Variants in SUMF1 observed in about 807,000 individuals in gnomAD.
The protein encoded by SUMF1 is formylglycine-generating enzyme.
In SUMF1, 48 loss-of-function variants were observed where a neutral mutation model predicts 47.6. The observed-to-expected ratio is 1.01, with a 90% CI of 0.80 to 1.28. The LOEUF (loss-of-function observed/expected upper bound fraction) is 1.28. SUMF1 is among the 50% of genes most tolerant of loss of function. SUMF1 has a pLI of 0.00. For missense variants in SUMF1, 571 were observed against 485.4 expected (o/e 1.18, Z -1.66); for synonymous variants, 230 against 192.1 (o/e 1.20, Z -1.63).
intron 3 of SUMF1, among the ~76,000 whole-genome samples, chr3:4,440,484 A>T (rs1288402003): frequency 6.6e-6 from 1 of 152,174 alleles, no homozygotes; most frequent in Non-Finnish European, 1.5e-5. Flanking sequence ...AGGTAACTGG[A>T]TCGCATCCTT....
intron 6 of SUMF1, among the ~76,000 whole-genome samples, chr3:4,413,578 A>G (rs1290962489): frequency 6.6e-6 from 1 of 152,110 alleles, no homozygotes; most frequent in East Asian, 1.9e-4. Context: ...CAGGAACCTC[A>G]AAAGCAAACA....
At chr3:4,044,850 C>A (rs1694977555) in intron 9 of SUMF1, among the ~76,000 whole-genome samples, 1 of 152,150 alleles carries the variant, frequency 6.6e-6, no homozygotes, top group African/African-American at 2.4e-5. Context: ...TTAGATCATT[C>A]TTCTTAAGTC....
In SUMF1 at chr3:4,161,588, G is replaced by A. The variant is rs374944144; in HGVS notation, c.1015-92843C>T. 7.9e-5 allele frequency among the ~76,000 whole-genome samples: 12 copies of A among 151,956 alleles called. 2 individuals are homozygous for A. The highest frequency in any genetic ancestry group is 6.6e-5 in the Admixed American group (1 of 15,258). On this transcript the variant is annotated intron_variant and NMD_transcript_variant, in intron 8 of 12. Coordinates refer to the SUMF1 transcript ENST00000448413. The stretch of plus-strand genomic sequence containing the variant: ...CTCTCCATAGCTGTCACCATTATAG[G>A]CCCACAGAGAGTACTGCCAGACTAC...
intron 1 of SUMF1, among the ~76,000 whole-genome samples, chr3:4,454,081 T>C (rs1424020810): frequency 6.6e-6 from 1 of 152,230 alleles, no homozygotes; most frequent in Non-Finnish European, 1.5e-5. Flanking sequence ...GCATGAATTT[T>C]GGCCTCCAAC....
intron 8 of SUMF1, among the ~76,000 whole-genome samples, chr3:4,131,566 G>T (rs1323281648): frequency 1.3e-5 from 2 of 152,156 alleles, no homozygotes; most frequent in Non-Finnish European, 2.9e-5. Flanking sequence ...CACTTTGCAT[G>T]GAAGTGCATA....
intron 8 of SUMF1, among the ~76,000 whole-genome samples, chr3:4,309,826 A>G (rs1698333794): frequency 1.3e-5 from 2 of 152,226 alleles, no homozygotes; most frequent in Non-Finnish European, 2.9e-5. Context: ...CCCACTTTAC[A>G]TTAGCTTTCA....
intron 8 of SUMF1, among the ~76,000 whole-genome samples, chr3:4,312,472 A>G (rs1698444648): frequency 1.3e-5 from 2 of 152,072 alleles, no homozygotes; most frequent in Non-Finnish European, 2.9e-5. Flanking sequence ...GTACCTATAT[A>G]TAACATACTA....
intron 7 of SUMF1, among the ~76,000 whole-genome samples, chr3:4,405,692 C>T (rs1371237689): frequency 5.3e-5 from 8 of 152,122 alleles, no homozygotes; most frequent in African/African-American, 4.8e-5. Context: ...CCAGCATATC[C>T]GAGGTCAATT....
chr3:4,461,835 G>A (rs1353296293), intron 1 of SUMF1, among the ~76,000 whole-genome samples: 1 of 152,154 alleles, frequency 6.6e-6, no homozygotes, highest in Non-Finnish European at 1.5e-5. Flanking sequence ...GTCTCACTCT[G>A]TAGGATCCAA....
At chr3:4,350,176 T>C (rs537971461) in intron 8 of SUMF1, among the ~76,000 whole-genome samples, 2 of 151,308 alleles carry the variant, frequency 1.3e-5, no homozygotes, top group Non-Finnish European at 2.9e-5. Context: ...AATTTTTGTA[T>C]TTTTTTTAGT....
At position 4,303,683 on chromosome 3, in the gene SUMF1, TGG is replaced by T. The variant is rs549435598; in HGVS notation, c.1014+72645_1014+72646del. On this transcript the variant is annotated intron_variant and NMD_transcript_variant, in intron 8 of 12. Coordinates refer to the SUMF1 transcript ENST00000448413. ...GGGAATAGGTGTGCATGCCCCGGCC[TGG>T]GCCTTTTTCTGTTGACCCACGGCAT... The T allele has an allele frequency of 1.0e-3, 1,535 of 1,497,656 alleles. 14 individuals carry two copies. Among genetic ancestry groups the T allele is most frequent in the Middle Eastern group, 8.7e-3 (45 of 5,168 alleles). 92.8% of individuals were successfully genotyped at this position (1,497,656 alleles called of 1,614,324 possible).
chr3:4,139,634 ATTT>A (rs1207387301), intron 8 of SUMF1, among the ~76,000 whole-genome samples: 2 of 151,370 alleles, frequency 1.3e-5, no homozygotes, highest in Non-Finnish European at 2.9e-5. Context: ...GTTGTTAATC[ATTT>A]ACCAGGGCAC....
intron 8 of SUMF1, among the ~76,000 whole-genome samples, chr3:4,281,931 G>C (rs369828870): frequency 3.3e-5 from 5 of 152,032 alleles, no homozygotes; most frequent in African/African-American, 1.2e-4. Context: ...ATTTCAGAAA[G>C]AAAGACAAAT....
chr3:4,433,344 T>A (rs975247340), intron 3 of SUMF1, among the ~76,000 whole-genome samples: 2 of 152,294 alleles, frequency 1.3e-5, no homozygotes, highest in South Asian at 2.1e-4. Flanking sequence ...TCAGATCAGG[T>A]GTCTTGGAGC....
intron 8 of SUMF1, among the ~76,000 whole-genome samples, chr3:4,364,154 A>G (rs1344328424): frequency 7.0e-6 from 1 of 142,464 alleles, no homozygotes; most frequent in African/African-American, 2.5e-5. Flanking sequence ...TTTTGCATCA[A>G]TGTTCATCAA....
intron 6 of SUMF1, among the ~76,000 whole-genome samples, chr3:4,416,831 T>A (rs1006121280): frequency 1.3e-5 from 2 of 152,196 alleles, no homozygotes; most frequent in African/African-American, 4.8e-5. Context: ...AATGCACCAA[T>A]ATGCTAACAG....
At chr3:4,461,658 CAG>C (rs1354082514) in intron 1 of SUMF1, among the ~76,000 whole-genome samples, 1 of 151,690 alleles carries the variant, frequency 6.6e-6, no homozygotes, top group East Asian at 1.9e-4. Context: ...CATTAACCAT[CAG>C]AGATAGCCAG....
At chr3:4,124,768 G>A (rs984286439) in intron 8 of SUMF1, among the ~76,000 whole-genome samples, 1 of 151,422 alleles carries the variant, frequency 6.6e-6, no homozygotes, top group Non-Finnish European at 1.5e-5. Flanking sequence ...AAGAATCAAT[G>A]TATTGATTTG....
intron 9 of SUMF1, among the ~76,000 whole-genome samples, chr3:4,050,951 A>T (rs1050401323): frequency 3.3e-5 from 5 of 151,940 alleles, no homozygotes; most frequent in African/African-American, 1.2e-4. Context: ...AAATATATTA[A>T]TAAGTGAGAG....
Sources: gnomAD v4.1 joint callset for allele counts (sites outside exome capture counted in the v4.1 genomes callset) on GRCh38, gnomAD v4.1.1 for gene constraint, MANE v1.5 for transcripts, NCBI Gene and HGNC (gene_info 2026-07-23, HGNC 2026-07-21) for gene names.